Variants in DENND1B observed in about 807,000 individuals in gnomAD.
DENND1B encodes the protein DENN domain-containing protein 1B.
In DENND1B, 59 loss-of-function variants were observed where a neutral mutation model predicts 90.1. The observed-to-expected ratio is 0.65, with a 90% CI of 0.53 to 0.81. The LOEUF (loss-of-function observed/expected upper bound fraction) is 0.81, where lower values mean the gene tolerates loss of function less well. Among genes scored for constraint, DENND1B ranks in the 40% least tolerant of loss-of-function variants. The pLI is 0.00. For synonymous variants in DENND1B, 337 were observed against 324.6 expected, an observed-to-expected ratio of 1.04 and a Z score of -0.41; for missense variants, 862 against 912.6, an observed-to-expected ratio of 0.94 and a Z score of 0.71.
intron 16 of DENND1B, among the ~76,000 whole-genome samples, chr1:197,549,464 TAG>T (rs1394734679): frequency 1.3e-5 from 2 of 152,178 alleles, no homozygotes; most frequent in African/African-American, 2.4e-5. Flanking sequence ...ATGCTAGTGA[TAG>T]AGAGTAACCA....
At chr1:197,660,515 G>C (rs181274827) in intron 5 of DENND1B, among the ~76,000 whole-genome samples, 1 of 151,986 alleles carries the variant, frequency 6.6e-6, no homozygotes, top group African/African-American at 2.4e-5. Context: ...CAGAACTTCA[G>C]ACATGAGTCT....
intron 15 of DENND1B, among the ~76,000 whole-genome samples, chr1:197,562,727 G>A (rs1672275630): frequency 6.6e-6 from 1 of 151,872 alleles, no homozygotes. Flanking sequence ...TAAAAATGAT[G>A]AAGCTTGTTG....
At chr1:197,770,791 T>A (rs1189887262) in intron 2 of DENND1B, among the ~76,000 whole-genome samples, 6 of 140,950 alleles carry the variant, frequency 4.3e-5, no homozygotes, top group Admixed American at 3.7e-4. Context: ...TATAAATATA[T>A]ATCTATAAAT....
intron 4 of DENND1B, 121 bp from the exon 5 acceptor site, chr1:197,672,277 G>T: frequency 8.2e-7 from 1 of 1,215,150 alleles, no homozygotes; most frequent in Non-Finnish European, 1.1e-6. Flanking sequence ...GTTGGTTCTT[G>T]AAGCTAGAAC....
intron 2 of DENND1B, among the ~76,000 whole-genome samples, chr1:197,741,671 A>C (rs868302955): frequency 6.6e-6 from 1 of 152,206 alleles, no homozygotes; most frequent in Non-Finnish European, 1.5e-5. Flanking sequence ...AACTTAAAAC[A>C]TTGGTATCTA....
chr1:197,565,985 A>T (rs1406046892), intron 15 of DENND1B, among the ~76,000 whole-genome samples: 2 of 151,822 alleles, frequency 1.3e-5, no homozygotes, highest in Non-Finnish European at 2.9e-5. Flanking sequence ...CATGATTTAT[A>T]GTCCTTTGGG....
chr1:197,603,495 A>T (rs1215378031), intron 13 of DENND1B, among the ~76,000 whole-genome samples: 2 of 151,174 alleles, frequency 1.3e-5, no homozygotes, highest in African/African-American at 4.8e-5. Context: ...TTACAATCTA[A>T]TAAGTTTAAA....
At chr1:197,773,170 C>G (rs999477243) in intron 1 of DENND1B, 3 of 514,472 alleles carry the variant, frequency 5.8e-6, no homozygotes, top group African/African-American at 5.8e-5. Flanking sequence ...GACTGTTCTC[C>G]CTTACCTATG....
At chr1:197,551,109 ACACC>A (rs144082270) in intron 16 of DENND1B, among the ~76,000 whole-genome samples, 58,421 of 133,572 alleles carry the variant, frequency 0.44, 12,211 homozygotes, top group East Asian at 0.76. Context: ...ACACACACAC[ACACC>A]CCCTAGATAG....
chr1:197,728,899 C>T (rs988481888), intron 2 of DENND1B, among the ~76,000 whole-genome samples: 2 of 152,114 alleles, frequency 1.3e-5, no homozygotes, highest in African/African-American at 4.8e-5. Flanking sequence ...GCACTTCCTA[C>T]CCAATTCCAT....
intron 2 of DENND1B, among the ~76,000 whole-genome samples, chr1:197,768,581 A>G (rs1656014892): frequency 6.6e-6 from 1 of 152,120 alleles, no homozygotes; most frequent in Admixed American, 6.6e-5. Context: ...ATTATCTTGG[A>G]GATCTACCAG....
intron 2 of DENND1B, among the ~76,000 whole-genome samples, chr1:197,740,978 G>A (rs759034871): frequency 4.6e-5 from 7 of 152,060 alleles, no homozygotes; most frequent in Non-Finnish European, 1.0e-4. Flanking sequence ...AGTAAATTTA[G>A]TAGATCAAAA....
chr1:197,551,346 C>T (rs1230688679), intron 16 of DENND1B, among the ~76,000 whole-genome samples: 1 of 152,088 alleles, frequency 6.6e-6, no homozygotes, highest in Non-Finnish European at 1.5e-5. Flanking sequence ...TCAAATTAGG[C>T]TTTCCTTTTA....
intron 2 of DENND1B, among the ~76,000 whole-genome samples, chr1:197,726,604 G>A (rs1000028489): frequency 2.6e-5 from 4 of 152,130 alleles, no homozygotes; most frequent in Admixed American, 1.3e-4. Context: ...GGAAATAATC[G>A]CAGTGAGACA....
At chr1:197,734,388 G>T (rs887279232) in intron 2 of DENND1B, 20 of 984,370 alleles carry the variant, frequency 2.0e-5, no homozygotes, top group Non-Finnish European at 2.3e-5. Context: ...ATTTACAAGG[G>T]GCTTTGGGGA....
At chr1:197,673,537 C>T (rs546583674) in intron 4 of DENND1B, among the ~76,000 whole-genome samples, 1 of 152,068 alleles carries the variant, frequency 6.6e-6, no homozygotes, top group Non-Finnish European at 1.5e-5. Flanking sequence ...TGTTGTTATG[C>T]TCACAGGGCT....
chr1:197,745,564 C>A (rs1451975127), intron 2 of DENND1B, among the ~76,000 whole-genome samples: 1 of 149,344 alleles, frequency 6.7e-6, no homozygotes, highest in Non-Finnish European at 1.5e-5. Flanking sequence ...TACCACAAAA[C>A]AATTACAACA....
chr1:197,745,146 G>C (rs1663591139), intron 2 of DENND1B, among the ~76,000 whole-genome samples: 1 of 152,152 alleles, frequency 6.6e-6, no homozygotes, highest in Admixed American at 6.5e-5. Flanking sequence ...CAGCAATAAG[G>C]GTGTTTTGCT....
intron 4 of DENND1B, 35 bp from the exon 5 acceptor site, chr1:197,672,191 T>C: frequency 1.3e-6 from 2 of 1,550,240 alleles, no homozygotes; most frequent in Non-Finnish European, 1.7e-6. Context: ...CATTGTGCCT[T>C]GTTTGACAAT....
Sources: allele counts gnomAD v4.1 joint callset (sites outside exome capture counted in the v4.1 genomes callset), GRCh38; gene constraint gnomAD v4.1.1; transcripts MANE v1.5; gene names NCBI Gene and HGNC (gene_info 2026-07-23, HGNC 2026-07-21).